NDE1: variants seen among roughly 807,000 people sequenced by gnomAD.
NDE1 encodes nuclear distribution protein nudE homolog 1.
Under a neutral mutation model 43.4 loss-of-function variants are expected in NDE1, and 28 were observed. The observed-to-expected ratio is 0.65, with a 90% CI of 0.48 to 0.89. The LOEUF (loss-of-function observed/expected upper bound fraction) is 0.89. Ranked by LOEUF, NDE1 falls within the 40% of genes least tolerant of loss-of-function variation. The pLI, the probability that NDE1 is intolerant of heterozygous loss-of-function variation, is 0.00. For missense variants in NDE1, 441 were observed against 434.1 expected, an observed-to-expected ratio of 1.02 and a Z score of -0.14; for synonymous variants, 184 against 172.0, an observed-to-expected ratio of 1.07 and a Z score of -0.55.
At chr16:15,658,693 G>A (rs951572840) in intron 1 of NDE1, among the ~76,000 whole-genome samples, 2 of 152,204 alleles carry the variant, frequency 1.3e-5, no homozygotes, top group African/African-American at 4.8e-5. Context: ...GTCTTGCTCT[G>A]TTGCCCAGGC....
chr16:15,679,333 C>G (rs1446852904), intron 4 of NDE1, among the ~76,000 whole-genome samples: 1 of 152,118 alleles, frequency 6.6e-6, no homozygotes, highest in Non-Finnish European at 1.5e-5. Flanking sequence ...TTCTTTTTCT[C>G]CTGTCCGTCT....
chr16:15,714,796 A>C, intron 8 of NDE1: 12 of 1,305,180 alleles, frequency 9.2e-6, no homozygotes, highest in Non-Finnish European at 1.3e-5. Flanking sequence ...AAACCACAGA[A>C]GGGAGTGGCG....
At chr16:15,662,466 G>A (rs902676280) in intron 1 of NDE1, among the ~76,000 whole-genome samples, 15 of 151,090 alleles carry the variant, frequency 9.9e-5, no homozygotes, top group Admixed American at 9.9e-4. Context: ...TGTATTTTTA[G>A]TAGGGACAGG....
intron 3 of NDE1, among the ~76,000 whole-genome samples, chr16:15,676,953 T>C (rs1275190055): frequency 6.6e-6 from 1 of 152,068 alleles, no homozygotes; most frequent in Admixed American, 6.6e-5. Flanking sequence ...TTGGAGAGGT[T>C]TACGTGGCTT....
intron 4 of NDE1, among the ~76,000 whole-genome samples, chr16:15,681,253 CTTTTTTTTTTTTT>C (rs71134448): frequency 1.3e-4 from 4 of 31,434 alleles, no homozygotes; most frequent in East Asian, 8.3e-4. Context: ...TAAACACTGC[CTTTTTTTTTTTTT>C]TTTTTTTTTT....
At position 15,717,352 on chromosome 16, in the gene NDE1, G is replaced by A. The variant is rs183176702; in HGVS notation, c.948-6839G>A. The A allele has an allele frequency of 5.9e-3, 9,510 of 1,605,122 alleles. 76 individuals are homozygous for A. The highest frequency in any genetic ancestry group is 5.9e-3 in the Non-Finnish European group (6,908 of 1,179,876). On this transcript the variant is annotated intron_variant, in intron 8 of 8. Coordinates refer to ENST00000396354, the MANE Select transcript of NDE1 (RefSeq NM_017668.3). ...GCTCGTTGCTGAGCTGCTCGGCCTG[G>A]GGAGGAGAGTGAAGGCCATGAGGCG... is the stretch of plus-strand genomic sequence containing the variant.
chr16:15,722,092 C>G (rs1353273005), intron 8 of NDE1, among the ~76,000 whole-genome samples: 5 of 152,118 alleles, frequency 3.3e-5, no homozygotes. Flanking sequence ...TCCTGACCCT[C>G]AAGTGAGCCT....
rs1469439795 is a variant in NDE1 at position 15,725,091 on chromosome 16, T to G, written c.*840T>G. ...AAAACACATGGGCTAGTACTTGAGG[T>G]GTTCACTGATTGAGAAAATACCCGT... is the stretch of plus-strand genomic sequence containing the variant. On this transcript the variant is annotated 3_prime_UTR_variant, in exon 9 of 9. Coordinates refer to ENST00000396354, the MANE Select transcript of NDE1 (RefSeq NM_017668.3). The G allele has an allele frequency of 5.4e-6, 5 of 926,248 alleles. No individual in the cohort carries two copies. The Admixed American group carries it at 8.0e-5, about 15-fold the overall frequency. The allele number at this position is 926,248 out of a possible 1,614,324, so 57.4% of individuals were successfully genotyped here. A position where few individuals can be genotyped will look rare whatever the true frequency, so the allele number is the denominator to read the frequency against.
At chr16:15,681,653 T>C (rs974723987) in intron 4 of NDE1, among the ~76,000 whole-genome samples, 1 of 152,198 alleles carries the variant, frequency 6.6e-6, no homozygotes, top group East Asian at 1.9e-4. Context: ...GAATGGACAG[T>C]ATTGGGAGTT....
chr16:15,674,323 A>T (rs1180609719), intron 3 of NDE1, among the ~76,000 whole-genome samples: 1 of 151,634 alleles, frequency 6.6e-6, no homozygotes, highest in Admixed American at 6.6e-5. Context: ...TGCTCACTGC[A>T]ACCTCCGCCT....
At position 15,718,181 on chromosome 16, in the gene NDE1, A is replaced by G. The variant is rs1009731755; in HGVS notation, c.948-6010A>G. On this transcript the variant is annotated intron_variant, in intron 8 of 8. Transcript: ENST00000396354. ...GTAAGGGCCCTGGATCTCTACTCTC[A>G]GGCCCCACCACCCTCTTGTCCCTCA... 1.5e-5 allele frequency: 21 copies of G among 1,424,856 alleles called. No individual in the cohort carries two copies. The African/African-American group carries it at 2.8e-4, about 19-fold the overall frequency. The allele number at this position is 1,424,856 out of a possible 1,614,324, so 88.3% of individuals were successfully genotyped here.
intron 8 of NDE1, among the ~76,000 whole-genome samples, chr16:15,707,959 CAAAAAAAAAAA>C (rs59081092): frequency 8.6e-6 from 1 of 115,968 alleles, no homozygotes; most frequent in African/African-American, 3.3e-5. Context: ...GACTCCGTCT[CAAAAAAAAAAA>C]AAAAAAAAAG....
intron 8 of NDE1, chr16:15,718,030 G>A (rs767426695): frequency 2.7e-5 from 14 of 524,132 alleles, no homozygotes; most frequent in Admixed American, 6.4e-5. Flanking sequence ...CGCAATGAAA[G>A]AGCATCCCAA....
intron 5 of NDE1, among the ~76,000 whole-genome samples, chr16:15,688,307 G>A (rs975078610): frequency 6.6e-6 from 1 of 151,958 alleles, no homozygotes; most frequent in Non-Finnish European, 1.5e-5. Context: ...CTCTTTTTCA[G>A]TTGGCACTTC....
In NDE1 at chr16:15,725,367, G is replaced by A. The variant is rs1296545734; in HGVS notation, c.*1116G>A. ...GAGTCCAGACGAGGTGCTCTGGCTG[G>A]TCCACTCTCTAAGGCTGGAGAAGGG... On this transcript the variant is annotated 3_prime_UTR_variant, in exon 9 of 9. Coordinates refer to ENST00000396354, the MANE Select transcript of NDE1 (RefSeq NM_017668.3). The A allele has an allele frequency of 5.4e-6, 3 of 554,680 alleles. No individual in the cohort carries two copies. Among genetic ancestry groups the A allele is most frequent in the Non-Finnish European group, 9.5e-6 (3 of 316,598 alleles). The allele number at this position is 554,680 out of a possible 1,614,324, so 34.4% of individuals were successfully genotyped here.
chr16:15,715,354 T>C, intron 8 of NDE1: 1 of 1,350,302 alleles, frequency 7.4e-7, no homozygotes, highest in East Asian at 2.3e-5. Context: ...GGTGGCATCT[T>C]GAGTGCTTTC....
Position 15,719,134 on chromosome 16 carries a change from A to C in NDE1, c.948-5057A>C, listed in dbSNP as rs112824610. 2.2e-3 allele frequency: 3,087 copies of C among 1,399,968 alleles called. 62 individuals carry two copies. The African/African-American group carries it at 0.037, about 17-fold the overall frequency. The allele number at this position is 1,399,968 out of a possible 1,614,324, so 86.7% of individuals were successfully genotyped here. A position where few individuals can be genotyped will look rare whatever the true frequency, so the allele number is the denominator to read the frequency against. ...CAGAATGAAACTCTGTCTCGAAAAA[A>C]TTTAAAAAATAAAATGGGGGTCGAG... On this transcript the variant is annotated intron_variant, in intron 8 of 8. Coordinates refer to ENST00000396354, the MANE Select transcript of NDE1 (RefSeq NM_017668.3).
intron 8 of NDE1, chr16:15,721,179 G>A (rs2040455106): frequency 7.3e-6 from 8 of 1,096,006 alleles, no homozygotes; most frequent in Non-Finnish European, 8.0e-6. Flanking sequence ...TGCATGGCCG[G>A]GACTCAAGAT....
At chr16:15,690,412 A>G (rs1486405310) in intron 5 of NDE1, among the ~76,000 whole-genome samples, 2 of 112,344 alleles carry the variant, frequency 1.8e-5, no homozygotes, top group Non-Finnish European at 3.3e-5. Flanking sequence ...GCCCAGGCTG[A>G]AGTGGTATGA....
Sources: allele counts gnomAD v4.1 joint callset (sites outside exome capture counted in the v4.1 genomes callset), GRCh38; gene constraint gnomAD v4.1.1; transcripts MANE v1.5; gene names NCBI Gene and HGNC (gene_info 2026-07-23, HGNC 2026-07-21).